Variants in DHTKD1 observed in about 807,000 individuals in gnomAD.
The protein encoded by DHTKD1 is 2-oxoadipate dehydrogenase complex component E1.
DHTKD1 carries 78 observed loss-of-function variants against 101.8 expected under a neutral mutation model. The observed-to-expected ratio is 0.77, with a 90% CI of 0.64 to 0.93. The LOEUF (loss-of-function observed/expected upper bound fraction) is 0.93. DHTKD1 is among the 40% of genes least tolerant of loss of function. The probability of loss-of-function intolerance (pLI) is 0.00; values close to 1 mark genes in which losing one functional copy is unlikely to be tolerated. For synonymous variants in DHTKD1, 462 were observed against 450.3 expected (o/e 1.03, Z -0.33); for missense variants, 1,223 against 1,161.7 (o/e 1.05, Z -0.77).
At position 12,118,793 on chromosome 10, in the gene DHTKD1, T is replaced by G. The variant is rs1833467337; in HGVS notation, c.2447T>G (p.Leu816Arg). Reference sequence around the variant, plus strand: ...TGCTCCGGCAAACATTTCTACTCCCTGGTGAAACAAAGAGAATCTCTGGGG... The same window carrying G: ...TGCTCCGGCAAACATTTCTACTCCCGGGTGAAACAAAGAGAATCTCTGGGG... ...VFCSGKHFYS[L>R]VKQRESLGAK... Residue 816 changes from leucine (L) to arginine (R), a missense_variant, in exon 15 of 17, where the codon CTG becomes CGG. Transcript: ENST00000263035. 1.9e-6 allele frequency: 3 copies of G among 1,606,596 alleles called. No individual in the cohort carries two copies. Among genetic ancestry groups the G allele is most frequent in the Non-Finnish European group, 2.5e-6 (3 of 1,177,116 alleles).
In DHTKD1 at chr10:12,101,111, T is replaced by C; in HGVS notation, c.1826T>C (p.Val609Ala). 1 of 1,614,098 alleles carries C rather than the reference T, an allele frequency of 6.2e-7. No homozygotes were observed. Among genetic ancestry groups the C allele is most frequent in the Non-Finnish European group, 8.5e-7 (1 of 1,180,012 alleles). ...GTFSQRHAIV[V>A]CQETDDTYIP... The stretch of plus-strand genomic sequence containing the variant: ...TTCAGTCAGAGGCATGCAATCGTGG[T>C]TTGCCAGGAGACGGATGACACCTAC... Residue 609 changes from valine to alanine, a missense_variant, in exon 10 of 17, where the codon GTT (valine) becomes GCT (alanine). Physicochemically the swap from Val to Ala is moderately conservative, Grantham distance 64 (BLOSUM62 0). Coordinates refer to ENST00000263035, the MANE Select transcript of DHTKD1 (RefSeq NM_018706.7).
In DHTKD1 at chr10:12,100,197, T is replaced by G; in HGVS notation, c.1691T>G (p.Met564Arg). 6.3e-7 allele frequency: 1 copy of G among 1,596,456 alleles called. No individual in the cohort carries two copies. The highest frequency in any genetic ancestry group is 8.5e-7 in the Non-Finnish European group (1 of 1,170,854). The change falls in exon 9 of 17, where the codon ATG (methionine) becomes AGG (arginine). Residue 564 changes from methionine (M) to arginine (R), a missense_variant. Met to Arg is a moderately conservative substitution (Grantham distance 91). Coordinates refer to ENST00000263035, the MANE Select transcript of DHTKD1 (RefSeq NM_018706.7). ...TTACAGTCCAGAATGGAGAAGATGA[T>G]GGACGGAATCAAGCTAGACTGGGCC... ...THVQSRMEKM[M>R]DGIKLDWATA...
chr10:12,073,433 A>G (rs1588599643), intron 1 of DHTKD1, among the ~76,000 whole-genome samples: 2 of 148,392 alleles, frequency 1.3e-5, no homozygotes, highest in South Asian at 4.3e-4. Context: ...TGCAACCTCT[A>G]CCTCCCGGGT....
intron 12 of DHTKD1, among the ~76,000 whole-genome samples, chr10:12,109,214 A>T (rs1334895262): frequency 6.6e-6 from 1 of 152,084 alleles, no homozygotes; most frequent in African/African-American, 2.4e-5. Flanking sequence ...GTACTTCAGC[A>T]TGCATATCGT....
chr10:12,099,951 A>G, intron 8 of DHTKD1, among the ~76,000 whole-genome samples: 1 of 151,736 alleles, frequency 6.6e-6, no homozygotes, highest in Non-Finnish European at 1.5e-5. Context: ...ACACGCCACC[A>G]GGCCTAGCTA....
Position 12,069,028 on chromosome 10 carries a change from G to A in DHTKD1, c.-6G>A. ...CTTAGCATGCTGGCCGGGACATCTG[G>A]TGAACATGGCCTCTGCTACTGCGGC... On this transcript the variant is annotated 5_prime_UTR_variant, in exon 1 of 17. The change creates a new upstream start codon in the 5' untranslated region. Transcript: ENST00000263035. 1.9e-6 allele frequency: 3 copies of A among 1,613,180 alleles called. No individual in the cohort carries two copies. Among genetic ancestry groups the A allele is most frequent in the Non-Finnish European group, 2.5e-6 (3 of 1,179,606 alleles).
At chr10:12,070,571 C>T (rs1202898294) in intron 1 of DHTKD1, among the ~76,000 whole-genome samples, 1 of 152,204 alleles carries the variant, frequency 6.6e-6, no homozygotes, top group African/African-American at 2.4e-5. Flanking sequence ...TCACTGCAAC[C>T]TCTGTCTTCT....
At chr10:12,120,126 T>A in intron 15 of DHTKD1, 56 bp from the exon 16 acceptor site, 1 of 1,353,120 alleles carries the variant, frequency 7.4e-7, no homozygotes, top group Middle Eastern at 1.8e-4. Context: ...CATAGTAAAT[T>A]GGGGACCGTC....
At chr10:12,072,787 A>G (rs1588599349) in intron 1 of DHTKD1, among the ~76,000 whole-genome samples, 1 of 150,042 alleles carries the variant, frequency 6.7e-6, no homozygotes, top group African/African-American at 2.5e-5. Flanking sequence ...CCGAGGCTGG[A>G]GTGCAATGGC....
intron 1 of DHTKD1, among the ~76,000 whole-genome samples, chr10:12,074,650 G>A (rs908296959): frequency 2.1e-5 from 1 of 47,636 alleles, no homozygotes; most frequent in Non-Finnish European, 4.1e-5. Context: ...GAGCTACCGC[G>A]GGTCTTGCTA....
In DHTKD1 at chr10:12,097,945, G is replaced by A; in HGVS notation, c.1620G>A (p.Glu540=). 1 of 1,614,002 alleles carries A rather than the reference G, an allele frequency of 6.2e-7. No individual in the cohort carries two copies. Among genetic ancestry groups the A allele is most frequent in the Non-Finnish European group, 8.5e-7 (1 of 1,179,908 alleles). ...GGTTTGTTGGCATGAAGTCTGTAGAGGTGCCAAGAGAGCTGCAGATGCACA... is the reference window on the plus strand; with the variant it reads ...GGTTTGTTGGCATGAAGTCTGTAGAAGTGCCAAGAGAGCTGCAGATGCACA... ...LLRFVGMKSV[E]VPRELQMHSH... Residue 540 remains glutamate (E), a synonymous_variant, in exon 8 of 17, where the codon GAG becomes GAA. Transcript: ENST00000263035.
In DHTKD1 at chr10:12,100,287, G is replaced by GT. The variant is rs57815181; in HGVS notation, c.1756+39dup. 722 of 272,066 alleles carry GT rather than the reference G, an allele frequency of 2.7e-3. 9 individuals carry two copies. Among genetic ancestry groups the GT allele is most frequent in the African/African-American group, 0.015 (424 of 27,592 alleles). 16.9% of individuals were successfully genotyped at this position (272,066 alleles called of 1,614,324 possible). A position where few individuals can be genotyped will look rare whatever the true frequency, so the allele number is the denominator to read the frequency against. On this transcript the variant is annotated intron_variant, in intron 9 of 16. Transcript: ENST00000263035. ...GGTAAGAATTTTCTTTTTTTTTTCT[G>GT]TTTTTTTTTTTTTTGAGTCTCACCC...
At position 12,087,637 on chromosome 10, in the gene DHTKD1, T is replaced by C; in HGVS notation, c.625T>C (p.Ser209Pro). 2 of 1,614,080 alleles carry C rather than the reference T, an allele frequency of 1.2e-6. No individual in the cohort carries two copies. Among genetic ancestry groups the C allele is most frequent in the Non-Finnish European group, 1.7e-6 (2 of 1,180,000 alleles). The part of the protein sequence containing the change: ...MGFFHELLKM[S>P]AYSGITDVII... ...CTTTTTCCACGAGCTGCTGAAAATG[T>C]CGGCCTACAGCGGGATCACTGATGT... Residue 209 changes from serine (S) to proline (P), a missense_variant, in exon 4 of 17, where the codon TCG becomes CCG. Ser to Pro is a moderately conservative substitution (Grantham distance 74). Transcript: ENST00000263035. The surrounding 1 kb of genome is among the most constrained non-coding windows in gnomAD (Gnocchi z 5.2).
At chr10:12,074,624 C>G (rs1832699215) in intron 1 of DHTKD1, among the ~76,000 whole-genome samples, 1 of 148,778 alleles carries the variant, frequency 6.7e-6, no homozygotes, top group Non-Finnish European at 1.5e-5. Context: ...TCCCAAAGTG[C>G]TGGGATTAGA....
chr10:12,118,934 C>A lies in DHTKD1; in HGVS notation c.2572+16C>A. ...CATGTTAAAGGTAAGAGGTTGTTCT[C>A]ATTTGGGTTTTGATGTTCAGATACC... On this transcript the variant is annotated intron_variant, in intron 15 of 16. Transcript: ENST00000263035. 6.7e-7 allele frequency: 1 copy of A among 1,493,694 alleles called. No individual in the cohort carries two copies. Among genetic ancestry groups the A allele is most frequent in the Non-Finnish European group, 9.0e-7 (1 of 1,115,556 alleles). The allele number at this position is 1,493,694 out of a possible 1,614,324, so 92.5% of individuals were successfully genotyped here.
chr10:12,105,662 T>A lies in DHTKD1; in HGVS notation c.1897-584T>A, dbSNP rs796295508. The stretch of plus-strand genomic sequence containing the variant: ...TTGTATACCTAGCTCCAGAAGAGGG[T>A]CATCTGAGAAGTATATGTGCTTATC... On this transcript the variant is annotated intron_variant, in intron 10 of 16. Coordinates refer to ENST00000263035, the MANE Select transcript of DHTKD1 (RefSeq NM_018706.7). Among the ~76,000 whole-genome samples, 7 of 152,132 alleles carry A rather than the reference T, an allele frequency of 4.6e-5. 1 individual carries two copies. The highest frequency in any genetic ancestry group is 1.4e-4 in the African/African-American group (6 of 41,504).
chr10:12,077,925 C>T (rs1832758978), intron 1 of DHTKD1, among the ~76,000 whole-genome samples: 1 of 151,774 alleles, frequency 6.6e-6, no homozygotes, highest in Non-Finnish European at 1.5e-5. Context: ...AAGAAGAAAC[C>T]TGCCCGAAGA....
chr10:12,090,131 C>T (rs754799787), intron 5 of DHTKD1, among the ~76,000 whole-genome samples: 1 of 152,158 alleles, frequency 6.6e-6, no homozygotes, highest in Non-Finnish European at 1.5e-5. Flanking sequence ...CATGTTTCTT[C>T]TGTGAGTATT....
In DHTKD1 at chr10:12,121,726, C is replaced by G. The variant is rs537319896; in HGVS notation, c.*838C>G. Reference sequence around the variant, plus strand: ...AGTGAGCCGAAATGGCGCCACTGTACTCCAACCTGGGCGACAGAGCAAGAC... The same window carrying G: ...AGTGAGCCGAAATGGCGCCACTGTAGTCCAACCTGGGCGACAGAGCAAGAC... On this transcript the variant is annotated 3_prime_UTR_variant, in exon 17 of 17. Transcript: ENST00000263035. 4 of 152,202 alleles carry G rather than the reference C, an allele frequency of 2.6e-5. No homozygotes were observed. Among genetic ancestry groups the G allele is most frequent in the Admixed American group, 2.6e-4 (4 of 15,262 alleles). 9.4% of individuals were successfully genotyped at this position (152,202 alleles called of 1,614,324 possible).
Sources: gnomAD v4.1 joint callset for allele counts (sites outside exome capture counted in the v4.1 genomes callset) on GRCh38, gnomAD v4.1.1 for gene constraint, Gnocchi (gnomAD v3.1) non-coding constraint, MANE v1.5 for transcripts, NCBI Gene and HGNC (gene_info 2026-07-23, HGNC 2026-07-21) for gene names.